NMNAT2: variants seen among roughly 807,000 people sequenced by gnomAD.
The protein encoded by NMNAT2 is nicotinamide nucleotide adenylyltransferase 2.
Under a neutral mutation model 41.6 loss-of-function variants are expected in NMNAT2, and 11 were observed. The observed-to-expected ratio is 0.26, with a 90% confidence interval of 0.17 to 0.44. The LOEUF is 0.44. NMNAT2 is among the 20% of genes least tolerant of loss of function. The pLI, the probability that NMNAT2 is intolerant of heterozygous loss-of-function variation, is 1.00. For synonymous variants in NMNAT2, 148 were observed against 151.2 expected (o/e 0.98, Z 0.16); for missense variants, 288 against 407.7 (o/e 0.71, Z 2.53).
intron 10 of NMNAT2, among the ~76,000 whole-genome samples, chr1:183,253,945 ATGTG>A (rs1220264993): frequency 9.3e-6 from 1 of 107,928 alleles, no homozygotes; most frequent in Non-Finnish European, 2.0e-5. Context: ...GTGTGTGTGT[ATGTG>A]TGTGTGTAAG....
At chr1:183,287,453 C>A (rs758287751) in intron 4 of NMNAT2, among the ~76,000 whole-genome samples, 1 of 152,158 alleles carries the variant, frequency 6.6e-6, no homozygotes, top group Non-Finnish European at 1.5e-5. Context: ...AGCACTCTCT[C>A]GCCTGCTCAG....
chr1:183,369,151 T>C (rs1663475417), intron 1 of NMNAT2, among the ~76,000 whole-genome samples: 1 of 152,030 alleles, frequency 6.6e-6, no homozygotes, highest in Admixed American at 6.6e-5. Flanking sequence ...CTCACATTTA[T>C]GGAGCATTTA....
At chr1:183,258,916 C>G (rs778232978) in intron 10 of NMNAT2, among the ~76,000 whole-genome samples, 1 of 152,174 alleles carries the variant, frequency 6.6e-6, no homozygotes, top group Non-Finnish European at 1.5e-5. Context: ...AACTCTGCTC[C>G]CGAAATGCTC....
chr1:183,345,887 C>T (rs192776330), intron 1 of NMNAT2, among the ~76,000 whole-genome samples: 60 of 152,148 alleles, frequency 3.9e-4, no homozygotes, highest in African/African-American at 1.3e-3. Context: ...AGGGTCTCAC[C>T]GTGTTCGCCA....
chr1:183,340,321 CTTTTTTTTTT>C (rs34610627), intron 1 of NMNAT2, among the ~76,000 whole-genome samples: 1 of 114,792 alleles, frequency 8.7e-6, no homozygotes, highest in African/African-American at 3.4e-5. Flanking sequence ...CCTGGGTTAG[CTTTTTTTTTT>C]TTTTTTTTTG....
intron 8 of NMNAT2, among the ~76,000 whole-genome samples, chr1:183,263,907 A>C (rs1431584846): frequency 2.0e-5 from 3 of 152,184 alleles, no homozygotes; most frequent in Non-Finnish European, 4.4e-5. Context: ...ATCAATATGC[A>C]ACAAAGTTGG....
At chr1:183,369,229 G>A (rs1663476558) in intron 1 of NMNAT2, among the ~76,000 whole-genome samples, 1 of 150,530 alleles carries the variant, frequency 6.6e-6, no homozygotes. Flanking sequence ...CAAATCCTTT[G>A]AGGAAGGTAT....
At chr1:183,302,914 A>G in intron 1 of NMNAT2, among the ~76,000 whole-genome samples, 1 of 151,848 alleles carries the variant, frequency 6.6e-6, no homozygotes, top group East Asian at 1.9e-4. Context: ...GCCCCCTATG[A>G]CTCAGTGTGC....
intron 1 of NMNAT2, among the ~76,000 whole-genome samples, chr1:183,373,125 T>C (rs995580850): frequency 1.3e-5 from 2 of 152,248 alleles, no homozygotes; most frequent in African/African-American, 4.8e-5. Context: ...CAGTCAGCCC[T>C]AGGTGGTGAG....
chr1:183,416,383 G>A (rs1199331796), intron 1 of NMNAT2, among the ~76,000 whole-genome samples: 3 of 152,124 alleles, frequency 2.0e-5, no homozygotes, highest in Admixed American at 6.5e-5. Flanking sequence ...ACCCATCATT[G>A]CCTGGTCAAG....
At chr1:183,254,885 T>G (rs1660478706) in intron 10 of NMNAT2, among the ~76,000 whole-genome samples, 1 of 152,224 alleles carries the variant, frequency 6.6e-6, no homozygotes, top group Non-Finnish European at 1.5e-5. Flanking sequence ...ATTTTGTTGG[T>G]TGTTTCCTTT....
At chr1:183,265,258 CTTTTTT>C (rs67117635) in intron 8 of NMNAT2, among the ~76,000 whole-genome samples, 1 of 64,526 alleles carries the variant, frequency 1.5e-5, no homozygotes, top group Non-Finnish European at 2.7e-5. Flanking sequence ...TCTTCTTCTT[CTTTTTT>C]TTTTTTTTTT....
intron 1 of NMNAT2, among the ~76,000 whole-genome samples, chr1:183,300,791 T>C (rs1409019484): frequency 6.6e-6 from 1 of 152,256 alleles, no homozygotes; most frequent in East Asian, 1.9e-4. Context: ...AGTTAGATGC[T>C]TCTGAAACTT....
intron 1 of NMNAT2, among the ~76,000 whole-genome samples, chr1:183,415,620 T>C (rs1649231650): frequency 6.6e-6 from 1 of 152,256 alleles, no homozygotes; most frequent in African/African-American, 2.4e-5. Flanking sequence ...TGTGTGTTCA[T>C]AAGTCACTTG....
intron 8 of NMNAT2, among the ~76,000 whole-genome samples, chr1:183,274,370 G>C (rs778052555): frequency 7.2e-5 from 11 of 151,960 alleles, no homozygotes; most frequent in Non-Finnish European, 1.3e-4. Flanking sequence ...GGAGTGCAAT[G>C]GCACGATCTC....
chr1:183,367,588 A>G (rs549311566), intron 1 of NMNAT2, among the ~76,000 whole-genome samples: 1 of 152,364 alleles, frequency 6.6e-6, no homozygotes, highest in South Asian at 2.1e-4. Context: ...GTGCAAGATG[A>G]GAGATATTCC....
intron 4 of NMNAT2, among the ~76,000 whole-genome samples, chr1:183,288,231 C>T (rs1661444133): frequency 6.6e-6 from 1 of 152,208 alleles, no homozygotes; most frequent in Admixed American, 6.5e-5. Context: ...CGATCCTGCC[C>T]TCGTCAGCCC....
At position 183,252,458 on chromosome 1, in the gene NMNAT2, C is replaced by G. The variant is rs201752621; in HGVS notation, c.*183G>C. On this transcript the variant is annotated 3_prime_UTR_variant, in exon 11 of 11. Transcript: ENST00000287713. ...ACCCGGAGACTAGAGGAAAGTCTGTCCAAAGATGACTGTGGAATAGGGAAT... is the reference window on the plus strand; with the variant it reads ...ACCCGGAGACTAGAGGAAAGTCTGTGCAAAGATGACTGTGGAATAGGGAAT... The G allele has an allele frequency of 5.1e-6, 2 of 395,832 alleles. No homozygotes were observed. The highest frequency in any genetic ancestry group is 4.0e-5 in the South Asian group (2 of 49,956). The allele number at this position is 395,832 out of a possible 1,614,324, so 24.5% of individuals were successfully genotyped here.
chr1:183,334,921 G>C (rs961119843), intron 1 of NMNAT2, among the ~76,000 whole-genome samples: 2 of 152,148 alleles, frequency 1.3e-5, no homozygotes, highest in African/African-American at 4.8e-5. Flanking sequence ...CTTCCTGTCT[G>C]TTCTGGGTCA....
Sources: gnomAD v4.1 joint callset for allele counts (sites outside exome capture counted in the v4.1 genomes callset) on GRCh38, gnomAD v4.1.1 for gene constraint, MANE v1.5 for transcripts, NCBI Gene and HGNC (gene_info 2026-07-23, HGNC 2026-07-21) for gene names.